EIF3D: variants seen among roughly 807,000 people sequenced by gnomAD.
EIF3D encodes eIF3 p66.
In EIF3D, 10 loss-of-function variants were observed where a neutral mutation model predicts 75.4. That is an observed-to-expected ratio of 0.13 (90% CI 0.08 to 0.22). The LOEUF (loss-of-function observed/expected upper bound fraction) is 0.22, where lower values mean the gene tolerates loss of function less well. EIF3D is among the 10% of genes least tolerant of loss of function. EIF3D has a pLI of 1.00. For synonymous variants in EIF3D, 246 were observed against 248.3 expected (o/e 0.99, Z 0.09); for missense variants, 394 against 708.0 (o/e 0.56, Z 5.03).
Position 36,523,287 on chromosome 22 carries a change from A to G in EIF3D, c.393-6T>C. The G allele has an allele frequency of 6.2e-7, 1 of 1,612,066 alleles. No homozygotes were observed. Among genetic ancestry groups the G allele is most frequent in the South Asian group, 1.1e-5 (1 of 90,946 alleles). ...TCTGCAGTCGAATGCGTTCTCTGGA[A>G]AGACAGACATATGATCTCAGTGCAG... On this transcript the variant is annotated splice_region_variant and splice_polypyrimidine_tract_variant and intron_variant, in intron 5 of 14. Coordinates refer to ENST00000216190, the MANE Select transcript of EIF3D (RefSeq NM_003753.4).
At chr22:36,511,088 G>A (rs1284691420) in intron 14 of EIF3D, 88 bp from the exon 15 acceptor site, 5 of 1,490,354 alleles carry the variant, frequency 3.4e-6, no homozygotes, top group Admixed American at 2.3e-5. Flanking sequence ...TGGACTGTGC[G>A]TGAGTTTTCA....
intron 12 of EIF3D, among the ~76,000 whole-genome samples, chr22:36,513,144 C>G (rs941356905): frequency 6.6e-6 from 1 of 152,110 alleles, no homozygotes; most frequent in African/African-American, 2.4e-5. Context: ...AAAAGGACCC[C>G]AGAGAGATCC....
At chr22:36,528,018 G>A (rs1934633137) in intron 1 of EIF3D, among the ~76,000 whole-genome samples, 1 of 152,174 alleles carries the variant, frequency 6.6e-6, no homozygotes, top group Admixed American at 6.5e-5. Context: ...AAAGGGTGGT[G>A]GTCTCAGAAC....
chr22:36,523,792 TG>T, intron 5 of EIF3D, 102 bp downstream of exon 5: 1 of 1,094,818 alleles, frequency 9.1e-7, no homozygotes, highest in Non-Finnish European at 1.4e-6. Context: ...TTTCCTTTTT[TG>T]CAGTGGTGGG....
chr22:36,511,836 G>C, intron 13 of EIF3D, 50 bp from the exon 14 acceptor site: 2 of 1,584,722 alleles, frequency 1.3e-6, no homozygotes, highest in Non-Finnish European at 8.6e-7. Context: ...CACAGAGACA[G>C]CAACACTTGG....
intron 5 of EIF3D, 93 bp downstream of exon 5, chr22:36,523,802 G>C: frequency 8.6e-7 from 1 of 1,169,504 alleles, no homozygotes; most frequent in East Asian, 2.3e-5. Flanking sequence ...TGCAGTGGTG[G>C]GGAATACAAC....
chr22:36,528,990 G>A (rs527503461), intron 1 of EIF3D, 86 bp downstream of exon 1: 3 of 312,668 alleles, frequency 9.6e-6, no homozygotes, highest in South Asian at 3.2e-4. Flanking sequence ...ACTAAGAGAG[G>A]TCTCTTCCGG....
At chr22:36,524,849 G>C (rs1473950271) in intron 3 of EIF3D, 117 bp from the exon 4 acceptor site, 1 of 1,341,482 alleles carries the variant, frequency 7.5e-7, no homozygotes, top group African/African-American at 1.4e-5. Context: ...TTGGCTGAAA[G>C]CTTGTTAGAC....
In EIF3D at chr22:36,523,883, T is replaced by C; in HGVS notation, c.392+12A>G. 2.5e-6 allele frequency: 4 copies of C among 1,613,336 alleles called. No individual in the cohort carries two copies. Among genetic ancestry groups the C allele is most frequent in the Non-Finnish European group, 3.4e-6 (4 of 1,179,318 alleles). ...GGAAGGGTGTCTTGTTCCAGCAGGA[T>C]GAAAATCTCACCTCTCTTTCTGTTT... On this transcript the variant is annotated intron_variant, in intron 5 of 14. Transcript: ENST00000216190.
chr22:36,522,859 C>T (rs1397136376), intron 6 of EIF3D, among the ~76,000 whole-genome samples: 2 of 152,170 alleles, frequency 1.3e-5, no homozygotes, highest in African/African-American at 2.4e-5. Flanking sequence ...TCTGCTTTTT[C>T]TGCCATGCTA....
chr22:36,522,416 C>T (rs566845156), intron 6 of EIF3D, among the ~76,000 whole-genome samples: 1 of 152,118 alleles, frequency 6.6e-6, no homozygotes, highest in Non-Finnish European at 1.5e-5. Flanking sequence ...TATGGAGGGC[C>T]GACTTTTCAT....
Position 36,520,568 on chromosome 22 carries a change from C to T in EIF3D, c.578+8G>A, listed in dbSNP as rs757689482. The T allele has an allele frequency of 1.9e-6, 3 of 1,597,230 alleles. 1 individual carries two copies. The South Asian group carries it at 3.3e-5, about 18-fold the overall frequency. On this transcript the variant is annotated splice_region_variant and intron_variant, in intron 7 of 14. Transcript: ENST00000216190. ...GCAGTGTAGAAAGTAGTAAAAGATG[C>T]TGCTTACATGTCCTGTGGCTCTGAT...
rs781172620 is a variant in EIF3D, at chr22:36,512,520, T to C, written c.1289A>G (p.Tyr430Cys). ...ACAGCAGGTCCACCGGGCCAACTTG[T>C]AGCTGTTGTTCTTCAGCTCCGTGGC... ...VIATELKNNS[Y>C]KLARWTCCAL... The change falls in exon 13 of 15, where the codon TAC (tyrosine) becomes TGC (cysteine). Residue 430 changes from tyrosine (Y) to cysteine (C), a missense_variant. Tyr to Cys is a radical substitution (Grantham distance 194). Coordinates refer to ENST00000216190, the MANE Select transcript of EIF3D (RefSeq NM_003753.4). The C allele has an allele frequency of 1.2e-6, 2 of 1,614,234 alleles. No individual in the cohort carries two copies. Among genetic ancestry groups the C allele is most frequent in the Admixed American group, 1.7e-5 (1 of 60,028 alleles).
chr22:36,526,193 T>G (rs902288789), intron 1 of EIF3D, 62 bp from the exon 2 acceptor site: 1 of 1,471,896 alleles, frequency 6.8e-7, no homozygotes, highest in African/African-American at 1.4e-5. Flanking sequence ...CAAAACACCC[T>G]CCATATGAAG....
Position 36,529,066 on chromosome 22 carries a change from C to A in EIF3D, c.-11+10G>T. 1 of 388,058 alleles carries A rather than the reference C, an allele frequency of 2.6e-6. No homozygotes were observed. Among genetic ancestry groups the A allele is most frequent in the Non-Finnish European group, 4.6e-6 (1 of 219,530 alleles). The allele number at this position is 388,058 out of a possible 1,614,324, so 24.0% of individuals were successfully genotyped here. The stretch of plus-strand genomic sequence containing the variant: ...GAGGGCCGCAGGAACCTATGAAACA[C>A]GCCGCTCACCTGCAATGGCCTCGGC... On this transcript the variant is annotated intron_variant, in intron 1 of 14. Coordinates refer to ENST00000216190, the MANE Select transcript of EIF3D (RefSeq NM_003753.4).
chr22:36,518,619 G>A (rs1192719487), intron 9 of EIF3D, 144 bp downstream of exon 9: 2 of 820,666 alleles, frequency 2.4e-6, no homozygotes, highest in African/African-American at 2.5e-5. Context: ...AACCTCTAAA[G>A]AGTGTGGGAG....
intron 3 of EIF3D, among the ~76,000 whole-genome samples, chr22:36,525,188 A>G (rs1603499073): frequency 6.6e-6 from 1 of 151,836 alleles, no homozygotes; most frequent in Non-Finnish European, 1.5e-5. Flanking sequence ...CTGAAGTGGC[A>G]GAGAGAAAAA....
chr22:36,527,271 T>C (rs549336740), intron 1 of EIF3D, among the ~76,000 whole-genome samples: 2 of 152,234 alleles, frequency 1.3e-5, no homozygotes, highest in Non-Finnish European at 2.9e-5. Context: ...GAGCCAATGT[T>C]ATCCGCACTC....
Position 36,525,982 on chromosome 22 carries a change from T to C in EIF3D, c.123+17A>G, listed in dbSNP as rs756847967. Reference sequence around the variant, plus strand: ...CCACAGCTGCAAAGATTCAGACTCCTGCTGACAGGCATGTACCTTTCCTAG... The same window carrying C: ...CCACAGCTGCAAAGATTCAGACTCCCGCTGACAGGCATGTACCTTTCCTAG... On this transcript the variant is annotated intron_variant, in intron 2 of 14. Transcript: ENST00000216190. The C allele has an allele frequency of 6.3e-7, 1 of 1,594,210 alleles. No individual in the cohort carries two copies. The highest frequency in any genetic ancestry group is 8.5e-7 in the Non-Finnish European group (1 of 1,170,322).
Sources: gnomAD v4.1 joint callset for allele counts (sites outside exome capture counted in the v4.1 genomes callset) on GRCh38, gnomAD v4.1.1 for gene constraint, MANE v1.5 for transcripts, NCBI Gene and HGNC (gene_info 2026-07-23, HGNC 2026-07-21) for gene names.